The following POLD3 variants were observed in gnomAD, a reference collection of about 807,000 sequenced individuals.
The protein encoded by POLD3 is DNA polymerase delta subunit 3.
A neutral mutation model predicts 58.2 loss-of-function variants in POLD3; 19 were observed. The ratio of observed to expected loss-of-function variants is 0.33; its 90% CI spans 0.23 to 0.48. The LOEUF is 0.48. Ranked by LOEUF, POLD3 falls within the 20% of genes least tolerant of loss-of-function variation. The pLI, the probability that POLD3 is intolerant of heterozygous loss-of-function variation, is 0.99. For synonymous variants in POLD3, 172 were observed against 193.5 expected, an observed-to-expected ratio of 0.89 and a Z score of 0.92; for missense variants, 504 against 545.5, an observed-to-expected ratio of 0.92 and a Z score of 0.76.
At chr11:74,612,203 T>C (rs1244134060) in intron 4 of POLD3, among the ~76,000 whole-genome samples, 1 of 152,200 alleles carries the variant, frequency 6.6e-6, no homozygotes, top group East Asian at 1.9e-4. Context: ...TGGGGGTATT[T>C]TACCAAATTT....
At chr11:74,610,140 T>C (rs2031857650) in intron 3 of POLD3, among the ~76,000 whole-genome samples, 1 of 152,200 alleles carries the variant, frequency 6.6e-6, no homozygotes, top group Admixed American at 6.5e-5. Context: ...TATAGCATTA[T>C]GTTATAATAT....
intron 4 of POLD3, among the ~76,000 whole-genome samples, chr11:74,654,264 G>A (rs562175185): frequency 1.1e-4 from 17 of 152,204 alleles, no homozygotes; most frequent in Admixed American, 7.2e-4. Context: ...AAGACCATGC[G>A]TACACAAATC....
rs1451811922 is a variant in POLD3, at chr11:74,667,077, G to T, written c.370-1700G>T. 2.0e-5 allele frequency among the ~76,000 whole-genome samples: 3 copies of T among 152,238 alleles called. No individual in the cohort carries two copies. In the East Asian group the frequency reaches 5.8e-4, roughly 29 times the overall value. ...TCCACATGCACAGGAATAAAGTTAGGCCCCTTTCTTATACCATGCATAGAA... is the reference window on the plus strand; with the variant it reads ...TCCACATGCACAGGAATAAAGTTAGTCCCCTTTCTTATACCATGCATAGAA... On this transcript the variant is annotated intron_variant, in intron 4 of 4. Coordinates refer to the POLD3 transcript ENST00000524752.
chr11:74,621,544 T>A (rs12288525), intron 7 of POLD3, among the ~76,000 whole-genome samples: 23,915 of 146,384 alleles, frequency 0.16, 2,830 homozygotes, highest in African/African-American at 0.35. Flanking sequence ...TGGTTTTTTT[T>A]AAAAAAATCA....
chr11:74,664,143 G>GT (rs2033237935), intron 4 of POLD3, among the ~76,000 whole-genome samples: 1 of 152,220 alleles, frequency 6.6e-6, no homozygotes, highest in South Asian at 2.1e-4. Flanking sequence ...AGCTTAAGTG[G>GT]TAAGATTGTA....
downstream of POLD3, among the ~76,000 whole-genome samples, chr11:74,643,257 A>AGGG (rs1246173002): frequency 5.9e-5 from 9 of 152,344 alleles, no homozygotes; most frequent in Non-Finnish European, 1.0e-4. Context: ...TGTAGTAAAA[A>AGGG]GGGGAAGATA....
intron 4 of POLD3, chr11:74,652,823 C>A: frequency 1.2e-5 from 2 of 170,032 alleles, no homozygotes; most frequent in South Asian, 1.5e-4. Context: ...TGCCCTTGCC[C>A]CACAAGAGGT....
At chr11:74,667,113 T>A (rs896237527) in intron 4 of POLD3, among the ~76,000 whole-genome samples, 16 of 152,164 alleles carry the variant, frequency 1.1e-4, no homozygotes, top group Admixed American at 3.3e-4. Flanking sequence ...ATTAATGGGC[T>A]AGGTGAGGGA....
intron 8 of POLD3, among the ~76,000 whole-genome samples, chr11:74,625,784 G>A (rs1220057240): frequency 6.6e-6 from 1 of 151,970 alleles, no homozygotes; most frequent in African/African-American, 2.4e-5. Context: ...ATGATTTAAG[G>A]ACCAAAGTCG....
Position 74,629,296 on chromosome 11 carries a change from C to A in POLD3, c.979C>A (p.Pro327Thr). The A allele has an allele frequency of 6.2e-7, 1 of 1,606,048 alleles. No individual in the cohort carries two copies. The highest frequency in any genetic ancestry group is 8.5e-7 in the Non-Finnish European group (1 of 1,174,520). ...MRKKRRRIKL[P>T]ESDSSEDEVF... ...GAAAAAGAGGAGAAGAATCAAACTT[C>A]CTGAATCTGATAGCAGTGAAGATGA... Residue 327 changes from proline (P) to threonine (T), a missense_variant, in exon 9 of 12, where the codon CCT (proline) becomes ACT (threonine). By Grantham distance (38) the Pro-to-Thr change is conservative. This residue lies in a region of POLD3 where 385 missense variants were observed against 370.5 expected (regional missense o/e 1.04). Transcript: ENST00000263681.
rs754783553 is a variant in POLD3 at position 74,618,731 on chromosome 11, T to C, written c.587T>C (p.Phe196Ser). ...SQQPKGIMGM[F>S]ASKAAAKTQE... ...CAGCCCAAAGGAATTATGGGAATGT[T>C]TGCCTCCAAAGCTGCTGCTAAAACC... Residue 196 changes from phenylalanine (F) to serine (S), a missense_variant, in exon 6 of 12, where the codon TTT (phenylalanine) becomes TCT (serine). By Grantham distance (155) the Phe-to-Ser change is radical. Around this residue, in one of 2 missense-constraint regions of POLD3, gnomAD observed 385 missense variants for 370.5 expected, o/e 1.04. Coordinates refer to ENST00000263681, the MANE Select transcript of POLD3 (RefSeq NM_006591.3). The C allele has an allele frequency of 2.5e-6, 4 of 1,614,194 alleles. No homozygotes were observed. The East Asian group carries it at 8.9e-5, about 36-fold the overall frequency.
Position 74,639,331 on chromosome 11 carries a change from C to G in POLD3, c.1199-1233C>G, listed in dbSNP as rs1325727795. 4.6e-5 allele frequency among the ~76,000 whole-genome samples: 7 copies of G among 152,100 alleles called. No individual in the cohort carries two copies. The East Asian group carries it at 1.2e-3, about 25-fold the overall frequency. On this transcript the variant is annotated intron_variant, in intron 11 of 11. Coordinates refer to ENST00000263681, the MANE Select transcript of POLD3 (RefSeq NM_006591.3). ...ATTGGGACACACATACATTTGATTC[C>G]AAAGCTTATGCCTCTAGAACAATTT...
chr11:74,605,136 G>A (rs1397578169), intron 3 of POLD3, among the ~76,000 whole-genome samples: 2 of 152,120 alleles, frequency 1.3e-5, no homozygotes, highest in East Asian at 3.8e-4. Context: ...GAATACAAGT[G>A]TTCAAAAATT....
chr11:74,604,806 G>A lies in POLD3; in HGVS notation c.219+12G>A. 1 of 1,400,758 alleles carries A rather than the reference G, an allele frequency of 7.1e-7. No individual in the cohort carries two copies. The highest frequency in any genetic ancestry group is 1.2e-5 in the South Asian group (1 of 86,882). 86.8% of individuals were successfully genotyped at this position (1,400,758 alleles called of 1,614,324 possible). On this transcript the variant is annotated intron_variant, in intron 3 of 11. Coordinates refer to ENST00000263681, the MANE Select transcript of POLD3 (RefSeq NM_006591.3). ...AGAATGGACATTCCGTAAGTTCTCA[G>A]AGCCTTGTAATGAGCTTAAATGTGT... is the stretch of plus-strand genomic sequence containing the variant.
At chr11:74,614,495 G>A (rs954573121) in intron 5 of POLD3, among the ~76,000 whole-genome samples, 5 of 152,196 alleles carry the variant, frequency 3.3e-5, no homozygotes, top group Admixed American at 3.3e-4. Flanking sequence ...TGGATCACGA[G>A]GTCAGGAGAT....
chr11:74,655,663 A>G (rs1434633561), intron 4 of POLD3, among the ~76,000 whole-genome samples: 1 of 152,152 alleles, frequency 6.6e-6, no homozygotes, highest in Non-Finnish European at 1.5e-5. Flanking sequence ...TTGACCAAAA[A>G]AAAAAAAAAG....
At chr11:74,609,505 C>T (rs563077564) in intron 3 of POLD3, among the ~76,000 whole-genome samples, 71 of 149,752 alleles carry the variant, frequency 4.7e-4, no homozygotes, top group African/African-American at 1.6e-3. Flanking sequence ...CTCAGCCTCC[C>T]GAGTAGCTAG....
At chr11:74,630,166 A>G (rs1352722282) in intron 9 of POLD3, among the ~76,000 whole-genome samples, 1 of 152,210 alleles carries the variant, frequency 6.6e-6, no homozygotes, top group Non-Finnish European at 1.5e-5. Context: ...AAGAAGAATA[A>G]TGAATGCAAA....
intron 2 of POLD3, 132 bp from the exon 3 acceptor site, chr11:74,604,560 A>G: frequency 1.6e-6 from 1 of 621,960 alleles, no homozygotes; most frequent in Non-Finnish European, 2.9e-6. Flanking sequence ...CCATAGGCCA[A>G]GCAAAAATGC....
Sources: allele counts gnomAD v4.1 joint callset (sites outside exome capture counted in the v4.1 genomes callset), GRCh38; gene constraint gnomAD v4.1.1; regional missense constraint gnomAD v4.1.1; transcripts MANE v1.5; gene names NCBI Gene and HGNC (gene_info 2026-07-23, HGNC 2026-07-21).